GABRA3: variants seen among roughly 807,000 people sequenced by gnomAD.
The protein encoded by GABRA3 is gamma-aminobutyric acid receptor subunit alpha-3.
Under a neutral mutation model 30.1 loss-of-function variants are expected in GABRA3, and 10 were observed. That is an observed-to-expected ratio of 0.33 (90% confidence interval 0.20 to 0.56). GABRA3 has a LOEUF of 0.56. Among genes scored for constraint, GABRA3 ranks in the 20% least tolerant of loss-of-function variants. The pLI is 0.89. For missense variants in GABRA3, 233 were observed against 392.0 expected, an observed-to-expected ratio of 0.59 and a Z score of 3.42; for synonymous variants, 151 against 146.8, an observed-to-expected ratio of 1.03 and a Z score of -0.21.
intron 3 of GABRA3, among the ~76,000 whole-genome samples, chrX:152,300,971 G>A (rs747900338): frequency 4.6e-4 from 52 of 111,907 alleles, no homozygotes; most frequent in Non-Finnish European, 7.1e-4. Flanking sequence ...AAGAAATAGC[G>A]CTCAGAAACT....
Position 152,255,052 on chromosome X carries a change from T to G in GABRA3, c.551+726A>C, listed in dbSNP as rs372711537. Among the ~76,000 whole-genome samples the G allele has an allele frequency of 2.7e-5, 3 of 111,611 alleles. No individual in the cohort carries two copies. The East Asian group carries it at 8.4e-4, about 31-fold the overall frequency. ...TAACAAGTTATGAAATACATAAAAT[T>G]GTGATGTTTTTATCCATTGGGAGTT... On this transcript the variant is annotated intron_variant, in intron 5 of 9. Coordinates refer to ENST00000370314, the MANE Select transcript of GABRA3 (RefSeq NM_000808.4).
chrX:152,273,554 A>G (rs1174302136), intron 4 of GABRA3, among the ~76,000 whole-genome samples: 1 of 112,545 alleles, frequency 8.9e-6, no homozygotes, highest in East Asian at 2.8e-4. Flanking sequence ...CCACCAATGG[A>G]TGAATGCATA....
intron 5 of GABRA3, chrX:152,250,498 C>T (rs1438693044): frequency 1.8e-5 from 2 of 111,474 alleles, no homozygotes; most frequent in Non-Finnish European, 3.8e-5. Context: ...ATACAACGAA[C>T]ATGTTTACCC....
chrX:152,381,182 A>G lies in GABRA3; in HGVS notation c.-26-16586T>C, dbSNP rs188414762. Among the ~76,000 whole-genome samples the G allele has an allele frequency of 3.6e-5, 4 of 112,129 alleles. No homozygotes were observed. The East Asian group carries it at 1.1e-3, about 31-fold the overall frequency. ...ACACCATGCTTCTTGCACGGCCTACAGAACTGTGAACTAAATAAACTTCTT... is the reference window on the plus strand; with the variant it reads ...ACACCATGCTTCTTGCACGGCCTACGGAACTGTGAACTAAATAAACTTCTT... On this transcript the variant is annotated intron_variant, in intron 1 of 9. Coordinates refer to ENST00000370314, the MANE Select transcript of GABRA3 (RefSeq NM_000808.4).
chrX:152,325,658 C>G (rs979958477), intron 3 of GABRA3, among the ~76,000 whole-genome samples: 2 of 112,049 alleles, frequency 1.8e-5, no homozygotes, highest in Non-Finnish European at 3.8e-5. Context: ...GGAAAACTAA[C>G]AAACAGAAAG....
chrX:152,401,266 G>GTATATATA (rs747896105), intron 1 of GABRA3, among the ~76,000 whole-genome samples: 72 of 97,315 alleles, frequency 7.4e-4, no homozygotes, highest in African/African-American at 2.5e-3. Flanking sequence ...TTTAATGTGT[G>GTATATATA]TATATATATA....
chrX:152,175,337 C>T (rs1051662012), intron 9 of GABRA3, among the ~76,000 whole-genome samples: 2 of 109,003 alleles, frequency 1.8e-5, no homozygotes, highest in African/African-American at 6.7e-5. Flanking sequence ...TGCAGTGATA[C>T]AGTGTGGGAC....
chrX:152,185,807 G>A (rs1937245689), intron 9 of GABRA3, among the ~76,000 whole-genome samples: 1 of 112,276 alleles, frequency 8.9e-6, no homozygotes, highest in African/African-American at 3.2e-5. Flanking sequence ...TTCCAGAGTT[G>A]TAGCACAAAG....
chrX:152,282,895 G>T (rs1352389321), intron 4 of GABRA3, among the ~76,000 whole-genome samples: 1 of 111,764 alleles, frequency 8.9e-6, no homozygotes. Flanking sequence ...TATGGTTGTT[G>T]GTGCATGAAT....
intron 1 of GABRA3, among the ~76,000 whole-genome samples, chrX:152,366,703 G>A (rs1335555270): frequency 8.9e-6 from 1 of 112,317 alleles, no homozygotes; most frequent in Non-Finnish European, 1.9e-5. Context: ...GTGGCTGGAG[G>A]CAAATACAGT....
intron 3 of GABRA3, among the ~76,000 whole-genome samples, chrX:152,295,400 A>G (rs1218060700): frequency 8.9e-6 from 1 of 112,878 alleles, no homozygotes; most frequent in Non-Finnish European, 1.9e-5. Flanking sequence ...AGCCTCACCA[A>G]TGGCAGATGC....
intron 3 of GABRA3, among the ~76,000 whole-genome samples, chrX:152,290,638 C>G (rs1275731672): frequency 8.9e-6 from 1 of 111,829 alleles, no homozygotes; most frequent in South Asian, 3.7e-4. Context: ...AGGGCTTTTA[C>G]GGTTTCAGGT....
At position 152,283,230 on chromosome X, in the gene GABRA3, A is replaced by G. The variant is rs775715995; in HGVS notation, c.330+1438T>C. 8.1e-5 allele frequency among the ~76,000 whole-genome samples: 9 copies of G among 111,644 alleles called. No homozygotes were observed. The East Asian group carries it at 1.7e-3, about 21-fold the overall frequency. ...CATACAGGCTTTCTTGCTGTCCCTA[A>G]GAGAGAGCCATCTCCTCCATTCCTT... On this transcript the variant is annotated intron_variant, in intron 4 of 9. Coordinates refer to ENST00000370314, the MANE Select transcript of GABRA3 (RefSeq NM_000808.4).
chrX:152,177,718 A>T (rs751083857), intron 9 of GABRA3, among the ~76,000 whole-genome samples: 1 of 112,185 alleles, frequency 8.9e-6, no homozygotes, highest in Non-Finnish European at 1.9e-5. Flanking sequence ...AATAGGCTCA[A>T]TTCCAGTTTA....
At chrX:152,341,937 A>T (rs1940320597) in intron 3 of GABRA3, among the ~76,000 whole-genome samples, 1 of 109,657 alleles carries the variant, frequency 9.1e-6, no homozygotes, top group Non-Finnish European at 1.9e-5. Context: ...CAGTGGCGTG[A>T]TCTCAGGTCA....
chrX:152,271,638 T>A (rs971958035), intron 4 of GABRA3, among the ~76,000 whole-genome samples: 1 of 112,455 alleles, frequency 8.9e-6, no homozygotes, highest in Non-Finnish European at 1.9e-5. Flanking sequence ...AGGAATTGAA[T>A]GCTAATTGCC....
In GABRA3 at chrX:152,364,466, T is replaced by C; in HGVS notation, c.105A>G (p.Gln35=). The C allele has an allele frequency of 1.7e-6, 2 of 1,209,885 alleles. No homozygotes were observed. Among genetic ancestry groups the C allele is most frequent in the South Asian group, 1.8e-5 (1 of 56,747 alleles). The change falls in exon 2 of 10, where the codon CAA becomes CAG. Residue 35 remains glutamine (Q), a synonymous_variant. Coordinates refer to ENST00000370314, the MANE Select transcript of GABRA3 (RefSeq NM_000808.4). ...GTTGQGESRR[Q]EPGDFVKQDI... ...CCTGCTTCACAAAGTCCCCGGGTTC[T>C]TGTCGTCTTGATTCCCCTTGACCAG...
intron 1 of GABRA3, among the ~76,000 whole-genome samples, chrX:152,367,065 A>G (rs905585693): frequency 2.7e-5 from 3 of 111,345 alleles, no homozygotes; most frequent in African/African-American, 9.8e-5. Context: ...GCACATATCC[A>G]TGGTGAATAA....
chrX:152,391,898 CAA>C (rs1929495847), intron 1 of GABRA3, among the ~76,000 whole-genome samples: 1 of 111,665 alleles, frequency 9.0e-6, no homozygotes, highest in African/African-American at 3.2e-5. Context: ...AATAATATAA[CAA>C]TATCAGCAAA....
Sources: gnomAD v4.1 joint callset for allele counts (sites outside exome capture counted in the v4.1 genomes callset) on GRCh38, gnomAD v4.1.1 for gene constraint, MANE v1.5 for transcripts, NCBI Gene and HGNC (gene_info 2026-07-23, HGNC 2026-07-21) for gene names.